The following RRP1B variants were observed in gnomAD, a reference collection of about 807,000 sequenced individuals.
The protein encoded by RRP1B is ribosomal RNA processing protein 1 homolog B.
RRP1B carries 56 observed loss-of-function variants against 80.2 expected under a neutral mutation model. The observed-to-expected ratio is 0.70, with a 90% confidence interval of 0.56 to 0.87. The LOEUF (loss-of-function observed/expected upper bound fraction) is 0.87. RRP1B is among the 40% of genes least tolerant of loss of function. RRP1B has a pLI of 0.00. For missense variants in RRP1B, 807 were observed against 939.8 expected (o/e 0.86, Z 1.85); for synonymous variants, 351 against 357.6 (o/e 0.98, Z 0.21).
chr21:43,677,988 T>A (rs139691499), intron 8 of RRP1B, among the ~76,000 whole-genome samples: 3 of 152,362 alleles, frequency 2.0e-5, no homozygotes, highest in African/African-American at 7.2e-5. Context: ...GTCTTTTTCA[T>A]ATAGTGGCTT....
chr21:43,685,707 A>G, intron 10 of RRP1B, 63 bp from the exon 11 acceptor site: 1 of 1,221,082 alleles, frequency 8.2e-7, no homozygotes, highest in South Asian at 1.7e-5. Flanking sequence ...AGAAGACAGA[A>G]GGGATTTCTT....
Position 43,693,743 on chromosome 21 carries a change from C to G in RRP1B, c.*360C>G, listed in dbSNP as rs9974851. ...GCTGGCACAATGAAAGGTGGAACTGCACTTCTGTTGAGCTCTCAGTTCTGC... is the reference window on the plus strand; with the variant it reads ...GCTGGCACAATGAAAGGTGGAACTGGACTTCTGTTGAGCTCTCAGTTCTGC... On this transcript the variant is annotated 3_prime_UTR_variant, in exon 16 of 16. Coordinates refer to ENST00000340648, the MANE Select transcript of RRP1B (RefSeq NM_015056.3). This position sits in a 1 kb window ranked among gnomAD's most constrained non-coding sequence, Gnocchi z 4.1. 9,566 of 204,564 alleles carry G rather than the reference C, an allele frequency of 0.047. 941 individuals carry two copies. Among genetic ancestry groups the G allele is most frequent in the African/African-American group, 0.2 (8,645 of 42,758 alleles). The allele number at this position is 204,564 out of a possible 1,614,324, so 12.7% of individuals were successfully genotyped here. A position where few individuals can be genotyped will look rare whatever the true frequency, so the allele number is the denominator to read the frequency against.
At chr21:43,674,814 G>C in intron 5 of RRP1B, 117 bp downstream of exon 5, 3 of 1,079,960 alleles carry the variant, frequency 2.8e-6, no homozygotes, top group Middle Eastern at 4.1e-4. Context: ...GTTACCTATA[G>C]AGAATTGAAA....
intron 8 of RRP1B, among the ~76,000 whole-genome samples, chr21:43,680,129 T>A (rs1230893774): frequency 3.3e-5 from 5 of 152,212 alleles, no homozygotes; most frequent in Non-Finnish European, 7.3e-5. Flanking sequence ...GATTGTATCA[T>A]CGGCAAACAC....
chr21:43,664,261 G>A (rs866789971), intron 1 of RRP1B, among the ~76,000 whole-genome samples: 1 of 151,038 alleles, frequency 6.6e-6, no homozygotes, highest in Non-Finnish European at 1.5e-5. Flanking sequence ...ACCTGAACCC[G>A]GGAGGCAGTG....
Position 43,691,477 on chromosome 21 carries a change from T to C in RRP1B, c.2058T>C (p.Phe686=), listed in dbSNP as rs780693918. The C allele has an allele frequency of 2.5e-6, 4 of 1,614,100 alleles. No individual in the cohort carries two copies. The highest frequency in any genetic ancestry group is 3.4e-6 in the Non-Finnish European group (4 of 1,179,986). Residue 686 remains phenylalanine (F), a synonymous_variant, in exon 15 of 16, where the codon TTT becomes TTC. Transcript: ENST00000340648. This position sits in a 1 kb window ranked among gnomAD's most constrained non-coding sequence, Gnocchi z 4.2. ...CATCCAGCTCCAAGAAAGTCACCTT[T>C]GGGCTGAACAGAAACATGACTGCCG... is the stretch of plus-strand genomic sequence containing the variant. ...KTPSSSKKVT[F]GLNRNMTAEF...
intron 13 of RRP1B, 131 bp downstream of exon 13, chr21:43,688,371 G>A: frequency 8.8e-7 from 1 of 1,142,554 alleles, no homozygotes; most frequent in South Asian, 1.7e-5. Context: ...AGTTAGAATA[G>A]GGTGTGTTCA....
At chr21:43,670,054 T>C in intron 2 of RRP1B, 88 bp downstream of exon 2, 2 of 873,896 alleles carry the variant, frequency 2.3e-6, no homozygotes, top group Non-Finnish European at 3.6e-6. Flanking sequence ...AGTCCCCCGA[T>C]ACACTGACGC....
chr21:43,685,403 T>A (rs2083059187), intron 10 of RRP1B, among the ~76,000 whole-genome samples: 1 of 152,258 alleles, frequency 6.6e-6, no homozygotes, highest in Admixed American at 6.5e-5. Flanking sequence ...TGGCTTCGCC[T>A]TTCTCCACTG....
At chr21:43,679,980 T>C (rs1243207110) in intron 8 of RRP1B, among the ~76,000 whole-genome samples, 3 of 152,218 alleles carry the variant, frequency 2.0e-5, no homozygotes, top group East Asian at 1.9e-4. Flanking sequence ...GTTCTTGATA[T>C]GATTCTCAGC....
intron 1 of RRP1B, among the ~76,000 whole-genome samples, chr21:43,663,568 T>G (rs2082966712): frequency 6.6e-6 from 1 of 151,902 alleles, no homozygotes; most frequent in Non-Finnish European, 1.5e-5. Context: ...TTGTTTTTGT[T>G]TTTTTGAGAG....
At chr21:43,662,067 T>C (rs1452923247) in intron 1 of RRP1B, among the ~76,000 whole-genome samples, 2 of 152,226 alleles carry the variant, frequency 1.3e-5, no homozygotes, top group Non-Finnish European at 2.9e-5. Flanking sequence ...CTTCCATCTG[T>C]TTTCTTAGCC....
At chr21:43,690,913 T>C (rs1464798108) in intron 14 of RRP1B, among the ~76,000 whole-genome samples, 2 of 152,182 alleles carry the variant, frequency 1.3e-5, no homozygotes, top group Non-Finnish European at 2.9e-5. Context: ...AGAGTCCTTG[T>C]GCACAAAAAG....
At position 43,659,587 on chromosome 21, in the gene RRP1B, T is replaced by C; in HGVS notation, c.-78T>C. ...GTGCAGTCGCGGCCCGGGCGGACGG[T>C]GGCTGGCTGCTCCGCAGCGCTCGGC... On this transcript the variant is annotated 5_prime_UTR_variant, in exon 1 of 16. Transcript: ENST00000340648. This position sits in a 1 kb window ranked among gnomAD's most constrained non-coding sequence, Gnocchi z 4.2. 1 of 1,282,636 alleles carries C rather than the reference T, an allele frequency of 7.8e-7. No individual in the cohort carries two copies. The highest frequency in any genetic ancestry group is 9.8e-7 in the Non-Finnish European group (1 of 1,016,220). 79.5% of individuals were successfully genotyped at this position (1,282,636 alleles called of 1,614,324 possible). A position where few individuals can be genotyped will look rare whatever the true frequency, so the allele number is the denominator to read the frequency against.
chr21:43,668,754 C>T (rs1298086786), intron 1 of RRP1B, among the ~76,000 whole-genome samples: 1 of 152,176 alleles, frequency 6.6e-6, no homozygotes, highest in Non-Finnish European at 1.5e-5. Context: ...GTTTATAGCA[C>T]TTTGTTGCTC....
At chr21:43,668,776 T>C (rs1488585966) in intron 1 of RRP1B, among the ~76,000 whole-genome samples, 2 of 152,260 alleles carry the variant, frequency 1.3e-5, no homozygotes, top group Non-Finnish European at 1.5e-5. Context: ...AAAAGATTTC[T>C]CCTAGGATCT....
chr21:43,683,694 T>G (rs1039812034), intron 9 of RRP1B, among the ~76,000 whole-genome samples: 5 of 152,110 alleles, frequency 3.3e-5, no homozygotes, highest in African/African-American at 1.2e-4. Context: ...CTAGATTAAA[T>G]TTAAAATTTA....
chr21:43,695,437 G>A lies in RRP1B; in HGVS notation c.*2054G>A, dbSNP rs2083103660. 4 of 152,200 alleles carry A rather than the reference G, an allele frequency of 2.6e-5. No homozygotes were observed. The highest frequency in any genetic ancestry group is 2.6e-4 in the Admixed American group (4 of 15,280). The allele number at this position is 152,200 out of a possible 1,614,324, so 9.4% of individuals were successfully genotyped here. A position where few individuals can be genotyped will look rare whatever the true frequency, so the allele number is the denominator to read the frequency against. ...CTCCTGTCAAAACCATGCCTGAGAG[G>A]TCCCGGCTGGGAGTGACAGGGTGCT... On this transcript the variant is annotated 3_prime_UTR_variant, in exon 16 of 16. Transcript: ENST00000340648.
At position 43,669,849 on chromosome 21, in the gene RRP1B, A is replaced by G. The variant is rs762897739; in HGVS notation, c.131-35A>G. On this transcript the variant is annotated intron_variant, in intron 1 of 15. Transcript: ENST00000340648. ...CTAAACTTGAAGAAAAGAGATGCATAGACTCTAAGATGTTTGTATTGTTTT... is the reference window on the plus strand; with the variant it reads ...CTAAACTTGAAGAAAAGAGATGCATGGACTCTAAGATGTTTGTATTGTTTT... 1.2e-5 allele frequency: 17 copies of G among 1,461,270 alleles called. No homozygotes were observed. In the East Asian group the frequency reaches 2.3e-4, roughly 20 times the overall value. The allele number at this position is 1,461,270 out of a possible 1,614,324, so 90.5% of individuals were successfully genotyped here.
Sources: gnomAD v4.1 joint callset for allele counts (sites outside exome capture counted in the v4.1 genomes callset) on GRCh38, gnomAD v4.1.1 for gene constraint, Gnocchi (gnomAD v3.1) non-coding constraint, MANE v1.5 for transcripts, NCBI Gene and HGNC (gene_info 2026-07-23, HGNC 2026-07-21) for gene names.